Variants in CDK19 observed in about 807,000 individuals in gnomAD.
CDK19 encodes the protein cyclin-dependent kinase 19.
CDK19 carries 20 observed loss-of-function variants against 68.3 expected under a neutral mutation model. That is an observed-to-expected ratio of 0.29 (90% CI 0.21 to 0.43). CDK19 has a LOEUF of 0.43. Ranked by LOEUF, CDK19 falls within the 20% of genes least tolerant of loss-of-function variation. CDK19 has a pLI of 1.00. For synonymous variants in CDK19, 221 were observed against 222.8 expected, an observed-to-expected ratio of 0.99 and a Z score of 0.07; for missense variants, 339 against 623.5, an observed-to-expected ratio of 0.54 and a Z score of 4.86.
chr6:110,666,682 T>G (rs1781964728), intron 4 of CDK19, among the ~76,000 whole-genome samples: 1 of 151,990 alleles, frequency 6.6e-6, no homozygotes, highest in Non-Finnish European at 1.5e-5. Flanking sequence ...CCCAGAATTC[T>G]CAAAAGCCTA....
At chr6:110,778,272 G>A (rs778731879) in intron 1 of CDK19, among the ~76,000 whole-genome samples, 3 of 152,074 alleles carry the variant, frequency 2.0e-5, no homozygotes, top group Non-Finnish European at 4.4e-5. Context: ...AATGTATATT[G>A]TCATATAGTT....
intron 1 of CDK19, among the ~76,000 whole-genome samples, chr6:110,773,438 T>C (rs1780181919): frequency 6.6e-6 from 1 of 152,088 alleles, no homozygotes; most frequent in African/African-American, 2.4e-5. Context: ...TGAATGCCTA[T>C]CTTCCAGTCA....
intron 2 of CDK19, among the ~76,000 whole-genome samples, chr6:110,734,555 C>CTCTCTCTCTCTCTCTCTCTCTCTCTA (rs1777078860): frequency 6.6e-6 from 1 of 150,448 alleles, no homozygotes; most frequent in South Asian, 2.1e-4. Flanking sequence ...CTCTCTCTCT[C>CTCTCTCTCTCTCTCTCTCTCTCTCTA]TCTCTCATGT....
intron 8 of CDK19, among the ~76,000 whole-genome samples, chr6:110,626,435 A>G (rs1486311668): frequency 1.3e-5 from 2 of 152,256 alleles, no homozygotes; most frequent in Non-Finnish European, 2.9e-5. Flanking sequence ...ATTCATGTTG[A>G]AACTTAATTC....
intron 2 of CDK19, among the ~76,000 whole-genome samples, chr6:110,734,052 C>T: frequency 6.6e-6 from 1 of 151,958 alleles, no homozygotes; most frequent in South Asian, 2.1e-4. Flanking sequence ...AGACAATCTC[C>T]CTCTGTCACC....
chr6:110,789,148 C>T (rs1176820690), intron 1 of CDK19, among the ~76,000 whole-genome samples: 2 of 152,200 alleles, frequency 1.3e-5, no homozygotes, highest in Admixed American at 1.3e-4. Context: ...TTAAGTAGTA[C>T]AGTATGTACA....
chr6:110,638,766 T>C (rs1779944351), intron 4 of CDK19, 60 bp from the exon 5 acceptor site: 1 of 892,560 alleles, frequency 1.1e-6, no homozygotes, highest in Admixed American at 2.1e-5. Context: ...TGCTCTAAAA[T>C]GGAGAAAAGT....
At chr6:110,692,231 T>C (rs899275833) in intron 2 of CDK19, among the ~76,000 whole-genome samples, 6 of 150,470 alleles carry the variant, frequency 4.0e-5, no homozygotes, top group Middle Eastern at 3.4e-3. Flanking sequence ...GAGGTGGAGG[T>C]TGCAGTGAGC....
chr6:110,689,928 C>T (rs916756471), intron 2 of CDK19, among the ~76,000 whole-genome samples: 3 of 152,162 alleles, frequency 2.0e-5, no homozygotes, highest in Non-Finnish European at 4.4e-5. Flanking sequence ...AAAGGAACAT[C>T]CCGTGGGACA....
At chr6:110,788,392 A>T (rs1307544980) in intron 1 of CDK19, among the ~76,000 whole-genome samples, 4 of 152,076 alleles carry the variant, frequency 2.6e-5, no homozygotes, top group Non-Finnish European at 5.9e-5. Context: ...TCCTGGTCTC[A>T]AGAGATCCTC....
At chr6:110,713,508 G>C (rs1421482038) in intron 2 of CDK19, among the ~76,000 whole-genome samples, 2 of 141,920 alleles carry the variant, frequency 1.4e-5, no homozygotes, top group Non-Finnish European at 3.0e-5. Context: ...CTGGGCTCAA[G>C]TGATCCTCTT....
At chr6:110,798,602 G>C (rs1426667628) in intron 1 of CDK19, among the ~76,000 whole-genome samples, 2 of 139,998 alleles carry the variant, frequency 1.4e-5, no homozygotes, top group Non-Finnish European at 3.0e-5. Context: ...TCCAGCCTGG[G>C]CAACAAGAGT....
At chr6:110,703,203 A>C (rs1012086617) in intron 2 of CDK19, among the ~76,000 whole-genome samples, 2 of 152,312 alleles carry the variant, frequency 1.3e-5, no homozygotes, top group Admixed American at 6.5e-5. Context: ...ATAGAAAATA[A>C]TTGAAAACAC....
chr6:110,732,694 C>G (rs1019716051), intron 2 of CDK19, among the ~76,000 whole-genome samples: 2 of 152,134 alleles, frequency 1.3e-5, no homozygotes, highest in Non-Finnish European at 2.9e-5. Context: ...AATTTACATA[C>G]AGCAAAATGC....
At chr6:110,693,149 G>A (rs1028819850) in intron 2 of CDK19, among the ~76,000 whole-genome samples, 1 of 152,206 alleles carries the variant, frequency 6.6e-6, no homozygotes, top group Non-Finnish European at 1.5e-5. Context: ...AACAGCGTGT[G>A]GAGACTCACA....
At chr6:110,670,391 A>T in intron 3 of CDK19, 40 bp downstream of exon 3, 1 of 1,098,620 alleles carries the variant, frequency 9.1e-7, no homozygotes, top group Non-Finnish European at 1.4e-6. Context: ...CTCCATACCT[A>T]TATAAAACAA....
intron 2 of CDK19, among the ~76,000 whole-genome samples, chr6:110,728,050 G>C (rs1776460035): frequency 6.6e-6 from 1 of 151,850 alleles, no homozygotes; most frequent in Admixed American, 6.6e-5. Context: ...CAGCACTTTG[G>C]GAGGCCAAGG....
chr6:110,716,679 T>C (rs1038303882), intron 2 of CDK19, among the ~76,000 whole-genome samples: 2 of 152,120 alleles, frequency 1.3e-5, no homozygotes, highest in Non-Finnish European at 2.9e-5. Flanking sequence ...GCTCAGGTAA[T>C]TTCATAAGGG....
intron 2 of CDK19, among the ~76,000 whole-genome samples, chr6:110,734,372 A>C (rs1410478553): frequency 6.6e-6 from 1 of 152,192 alleles, no homozygotes; most frequent in Non-Finnish European, 1.5e-5. Context: ...CCCTAGTTGC[A>C]GCAGTTAAAT....
Sources: allele counts gnomAD v4.1 joint callset (sites outside exome capture counted in the v4.1 genomes callset), GRCh38; gene constraint gnomAD v4.1.1; transcripts MANE v1.5; gene names NCBI Gene and HGNC (gene_info 2026-07-23, HGNC 2026-07-21).